CTNNA2: variants seen among roughly 807,000 people sequenced by gnomAD.
CTNNA2 encodes catenin alpha-2.
A neutral mutation model predicts 101.0 loss-of-function variants in CTNNA2; 42 were observed. That is an observed-to-expected ratio of 0.42 (90% CI 0.32 to 0.54). The LOEUF (loss-of-function observed/expected upper bound fraction) is 0.54. CTNNA2 is among the 20% of genes least tolerant of loss of function. The pLI, the probability that CTNNA2 is intolerant of heterozygous loss-of-function variation, is 0.14. For missense variants in CTNNA2, 871 were observed against 1,223.1 expected, an observed-to-expected ratio of 0.71 and a Z score of 4.29; for synonymous variants, 450 against 456.4, an observed-to-expected ratio of 0.99 and a Z score of 0.18.
intron 7 of CTNNA2, among the ~76,000 whole-genome samples, chr2:80,216,933 A>T (rs1486071727): frequency 6.7e-6 from 1 of 150,094 alleles, no homozygotes; most frequent in Non-Finnish European, 1.5e-5. Flanking sequence ...TGCCTCCCAG[A>T]TTCAAGCAAT....
At chr2:79,790,509 G>A (rs1373622363) in intron 3 of CTNNA2, among the ~76,000 whole-genome samples, 3 of 152,092 alleles carry the variant, frequency 2.0e-5, no homozygotes, top group African/African-American at 2.4e-5. Context: ...AATGAATTGA[G>A]GCGTAATGAT....
intron 4 of CTNNA2, among the ~76,000 whole-genome samples, chr2:79,433,928 A>G (rs892564516): frequency 2.6e-5 from 4 of 152,206 alleles, no homozygotes; most frequent in Non-Finnish European, 5.9e-5. Context: ...TAAAGAAGCC[A>G]AGCAATAGAA....
intron 13 of CTNNA2, among the ~76,000 whole-genome samples, chr2:80,579,664 C>T (rs956047105): frequency 2.6e-5 from 4 of 152,104 alleles, no homozygotes; most frequent in Non-Finnish European, 4.4e-5. Flanking sequence ...CTGTAGATGA[C>T]TGAGTGAATG....
intron 7 of CTNNA2, among the ~76,000 whole-genome samples, chr2:80,014,667 CA>C (rs1485630875): frequency 1.3e-5 from 2 of 152,190 alleles, no homozygotes; most frequent in Non-Finnish European, 2.9e-5. Flanking sequence ...CACAAAGACA[CA>C]AGCTGGTGCT....
intron 1 of CTNNA2, among the ~76,000 whole-genome samples, chr2:79,578,829 C>T (rs1675960669): frequency 6.6e-6 from 1 of 151,802 alleles, no homozygotes; most frequent in South Asian, 2.1e-4. Context: ...TGAATATTAT[C>T]TCCTTCCTTC....
At chr2:80,497,078 A>G (rs566758078) in intron 9 of CTNNA2, among the ~76,000 whole-genome samples, 2 of 152,358 alleles carry the variant, frequency 1.3e-5, no homozygotes, top group South Asian at 4.1e-4. Flanking sequence ...CCTTTGAAGT[A>G]GAGCCCGAAA....
chr2:79,593,880 GTTTT>G (rs945227300), intron 1 of CTNNA2, among the ~76,000 whole-genome samples: 3 of 85,438 alleles, frequency 3.5e-5, no homozygotes, highest in African/African-American at 1.1e-4. Context: ...CTTTCTTTTA[GTTTT>G]TTTTTTTTTT....
In CTNNA2 at chr2:80,538,302, G is replaced by T. The variant is rs183133732; in HGVS notation, c.1291-6680G>T. Among the ~76,000 whole-genome samples, 6 of 152,276 alleles carry T rather than the reference G, an allele frequency of 3.9e-5. 2 individuals are homozygous for T. Among genetic ancestry groups the T allele is most frequent in the African/African-American group, 1.4e-4 (6 of 41,572 alleles). ...TTTTAGTCGTGAAGCCTTTGCCCAT[G>T]CCTATGTCCTGAATGGTATTGCCTA... On this transcript the variant is annotated intron_variant, in intron 9 of 18. Transcript: ENST00000402739.
intron 3 of CTNNA2, among the ~76,000 whole-genome samples, chr2:79,345,579 A>G (rs1192144628): frequency 2.0e-5 from 3 of 152,170 alleles, no homozygotes; most frequent in African/African-American, 7.2e-5. Flanking sequence ...ATTATTAGTC[A>G]CGGTAAAGCA....
At chr2:79,618,881 C>G (rs1279970527) in intron 1 of CTNNA2, among the ~76,000 whole-genome samples, 1 of 152,142 alleles carries the variant, frequency 6.6e-6, no homozygotes, top group African/African-American at 2.4e-5. Context: ...GGGATATGCA[C>G]ATAAATATAT....
At chr2:80,381,055 T>C (rs1676467425) in intron 7 of CTNNA2, among the ~76,000 whole-genome samples, 1 of 151,992 alleles carries the variant, frequency 6.6e-6, no homozygotes, top group African/African-American at 2.4e-5. Context: ...CAAGAGATAG[T>C]ACTAGTATGA....
intron 1 of CTNNA2, among the ~76,000 whole-genome samples, chr2:79,650,854 T>G (rs905773477): frequency 9.6e-5 from 14 of 146,574 alleles, no homozygotes. Context: ...ATCTCATTGT[T>G]CAATTCCCAC....
upstream of CTNNA2, among the ~76,000 whole-genome samples, chr2:79,508,492 A>G (rs1205320684): frequency 2.0e-5 from 3 of 152,100 alleles, no homozygotes; most frequent in Admixed American, 6.5e-5. Flanking sequence ...AATTACTATG[A>G]GAAGACATAT....
At chr2:80,578,075 G>C (rs1383390868) in intron 13 of CTNNA2, among the ~76,000 whole-genome samples, 1 of 152,160 alleles carries the variant, frequency 6.6e-6, no homozygotes, top group Non-Finnish European at 1.5e-5. Flanking sequence ...AACGGGTCCT[G>C]TTTTGCAACT....
At chr2:79,591,809 T>C (rs1676866911) in intron 1 of CTNNA2, among the ~76,000 whole-genome samples, 1 of 152,130 alleles carries the variant, frequency 6.6e-6, no homozygotes, top group Non-Finnish European at 1.5e-5. Context: ...AGAATGTTAA[T>C]ACATATGTTC....
intron 7 of CTNNA2, among the ~76,000 whole-genome samples, chr2:80,150,898 G>T (rs997013328): frequency 6.6e-6 from 1 of 152,164 alleles, no homozygotes; most frequent in Non-Finnish European, 1.5e-5. Context: ...GTGAGGGATG[G>T]TCGTGGGCAG....
chr2:79,437,829 G>A (rs1245075655), intron 4 of CTNNA2, among the ~76,000 whole-genome samples: 2 of 152,084 alleles, frequency 1.3e-5, no homozygotes, highest in Non-Finnish European at 2.9e-5. Flanking sequence ...AATCTAACGC[G>A]CTGCTCTTTG....
At chr2:79,389,271 A>G (rs1470380468) in intron 4 of CTNNA2, among the ~76,000 whole-genome samples, 2 of 152,194 alleles carry the variant, frequency 1.3e-5, no homozygotes, top group East Asian at 3.8e-4. Context: ...CATATGGTTA[A>G]AATAAACAGA....
intron 15 of CTNNA2, among the ~76,000 whole-genome samples, chr2:80,596,952 T>C (rs1292678306): frequency 6.6e-6 from 1 of 152,262 alleles, no homozygotes; most frequent in Admixed American, 6.5e-5. Context: ...CCTTTTCTGC[T>C]TCTATTAAGA....
Sources: allele counts gnomAD v4.1 joint callset (sites outside exome capture counted in the v4.1 genomes callset), GRCh38; gene constraint gnomAD v4.1.1; transcripts MANE v1.5; gene names NCBI Gene and HGNC (gene_info 2026-07-23, HGNC 2026-07-21).